RAD51B: variants seen among roughly 807,000 people sequenced by gnomAD.
RAD51B encodes RAD51 paralog B, also known as DNA repair protein RAD51 homolog 2.
Under a neutral mutation model 42.2 loss-of-function variants are expected in RAD51B, and 38 were observed. The ratio of observed to expected loss-of-function variants is 0.90; its 90% CI spans 0.70 to 1.18. RAD51B has a LOEUF of 1.18. RAD51B is among the 50% of genes most tolerant of loss of function. The pLI is 0.00. For synonymous variants in RAD51B, 154 were observed against 145.2 expected, an observed-to-expected ratio of 1.06 and a Z score of -0.43; for missense variants, 373 against 400.7, an observed-to-expected ratio of 0.93 and a Z score of 0.59.
At chr14:68,300,562 C>T (rs1014909667) in intron 8 of RAD51B, among the ~76,000 whole-genome samples, 1 of 152,148 alleles carries the variant, frequency 6.6e-6, no homozygotes, top group Non-Finnish European at 1.5e-5. Flanking sequence ...TAGTCCATGC[C>T]ATCAAGCCAA....
intron 9 of RAD51B, among the ~76,000 whole-genome samples, chr14:68,449,413 T>C (rs778299455): frequency 7.2e-5 from 11 of 152,260 alleles, no homozygotes; most frequent in Non-Finnish European, 1.2e-4. Flanking sequence ...CTGGACTGAA[T>C]GGATCTTTAA....
intron 7 of RAD51B, among the ~76,000 whole-genome samples, chr14:68,087,917 ATATTATATATAATTATATAATTTAT>A (rs1566634357): frequency 0.012 from 952 of 80,454 alleles, 15 homozygotes; most frequent in African/African-American, 0.058. Flanking sequence ...ATTATATAAT[ATATTATATATAATTATATAATTTAT>A]TATTATATAT....
intron 11 of RAD51B, among the ~76,000 whole-genome samples, chr14:68,658,175 T>G (rs1043278715): frequency 1.3e-5 from 2 of 152,062 alleles, no homozygotes; most frequent in Non-Finnish European, 2.9e-5. Context: ...TGAGATGGGG[T>G]GGGGAGAGCT....
chr14:68,346,710 G>C (rs117495702), intron 8 of RAD51B, among the ~76,000 whole-genome samples: 2 of 152,210 alleles, frequency 1.3e-5, no homozygotes, highest in Non-Finnish European at 2.9e-5. Flanking sequence ...ATTTATTCCA[G>C]ACTCCCTAGC....
intron 7 of RAD51B, among the ~76,000 whole-genome samples, chr14:68,209,803 C>T (rs1274652): frequency 6.6e-5 from 10 of 151,930 alleles, no homozygotes; most frequent in Admixed American, 3.3e-4. Context: ...TTATTGTAAT[C>T]GTGATTTTCT....
intron 7 of RAD51B, among the ~76,000 whole-genome samples, chr14:68,095,693 C>G (rs1161163344): frequency 6.6e-6 from 1 of 151,848 alleles, no homozygotes; most frequent in Non-Finnish European, 1.5e-5. Flanking sequence ...CAAACAGACT[C>G]AGCCAGGCAC....
chr14:67,887,233 T>C (rs764641310), intron 7 of RAD51B, 29 bp downstream of exon 7: 1 of 1,523,488 alleles, frequency 6.6e-7, no homozygotes, highest in Admixed American at 1.8e-5. Context: ...CTCTTTTTTC[T>C]TTTCCTTTCT....
At chr14:68,671,065 A>G (rs1054191555) in intron 11 of RAD51B, among the ~76,000 whole-genome samples, 1 of 152,124 alleles carries the variant, frequency 6.6e-6, no homozygotes, top group African/African-American at 2.4e-5. Context: ...CAAACGCCTG[A>G]TCCAGTCTCT....
intron 7 of RAD51B, among the ~76,000 whole-genome samples, chr14:68,119,744 G>A (rs1000541283): frequency 3.3e-5 from 5 of 151,684 alleles, no homozygotes. Flanking sequence ...TTGGTCCCAA[G>A]TCTTTGCTAT....
chr14:67,940,077 T>C (rs1359558708), intron 7 of RAD51B, among the ~76,000 whole-genome samples: 1 of 70,600 alleles, frequency 1.4e-5, no homozygotes, highest in Non-Finnish European at 2.8e-5. Flanking sequence ...TTTTTTTTTT[T>C]TTTTTTTTTT....
At chr14:67,895,019 C>T (rs2043364502) in intron 7 of RAD51B, among the ~76,000 whole-genome samples, 1 of 152,110 alleles carries the variant, frequency 6.6e-6, no homozygotes, top group Non-Finnish European at 1.5e-5. Flanking sequence ...AAGCAGTCTG[C>T]CCACTGTGGC....
chr14:68,179,210 G>A (rs182064362), intron 7 of RAD51B, among the ~76,000 whole-genome samples: 17 of 152,154 alleles, frequency 1.1e-4, no homozygotes, highest in Admixed American at 6.5e-4. Flanking sequence ...TCCTTGCTGC[G>A]CTAGTATGCG....
At chr14:68,586,222 G>A (rs1002221910) in intron 10 of RAD51B, among the ~76,000 whole-genome samples, 3 of 152,148 alleles carry the variant, frequency 2.0e-5, no homozygotes, top group African/African-American at 7.2e-5. Flanking sequence ...ATTCAAAGCT[G>A]GGCAGTGATG....
intron 8 of RAD51B, among the ~76,000 whole-genome samples, chr14:68,298,326 A>T (rs1019955047): frequency 6.6e-6 from 1 of 152,116 alleles, no homozygotes; most frequent in African/African-American, 2.4e-5. Flanking sequence ...CAGCTGGGAG[A>T]ACAAAAGGAG....
intron 7 of RAD51B, among the ~76,000 whole-genome samples, chr14:67,935,249 G>A (rs866796900): frequency 2.8e-4 from 43 of 152,264 alleles, no homozygotes; most frequent in Admixed American, 2.2e-3. Flanking sequence ...CATATGTGAG[G>A]ATGATTAGGC....
At chr14:68,636,570 G>A in intron 10 of RAD51B, among the ~76,000 whole-genome samples, 1 of 120,582 alleles carries the variant, frequency 8.3e-6, no homozygotes, top group Non-Finnish European at 1.7e-5. Context: ...GCAACAGAGT[G>A]AGACTCAGTC....
At position 67,823,568 on chromosome 14, in the gene RAD51B, G is replaced by A. The variant is rs34583846; in HGVS notation, c.25G>A (p.Val9Met). 1,214 of 1,613,716 alleles carry A rather than the reference G, an allele frequency of 7.5e-4. 4 individuals carry two copies. The African/African-American group carries it at 0.014, about 19-fold the overall frequency. The change falls in exon 2 of 11, where the codon GTG becomes ATG. Residue 9 changes from valine (V) to methionine (M), a missense_variant. Physicochemically the swap from Val to Met is conservative, Grantham distance 21. Transcript: ENST00000471583. Reference sequence around the variant, plus strand: ...CATGGGTAGCAAGAAACTAAAACGAGTGGGTTTATCACAAGAGCTGTGTGA... The same window carrying A: ...CATGGGTAGCAAGAAACTAAAACGAATGGGTTTATCACAAGAGCTGTGTGA... MGSKKLKR[V>M]GLSQELCDRL...
intron 10 of RAD51B, among the ~76,000 whole-genome samples, chr14:68,517,345 A>G (rs1379135322): frequency 6.6e-6 from 1 of 152,164 alleles, no homozygotes; most frequent in Non-Finnish European, 1.5e-5. Context: ...TTACTGTCTA[A>G]TTTAGGACAT....
intron 7 of RAD51B, among the ~76,000 whole-genome samples, chr14:67,905,294 C>T (rs992292846): frequency 6.6e-6 from 1 of 152,124 alleles, no homozygotes. Flanking sequence ...TGCTTTGGAC[C>T]AGTACCATGC....
Sources: allele counts gnomAD v4.1 joint callset (sites outside exome capture counted in the v4.1 genomes callset), GRCh38; gene constraint gnomAD v4.1.1; transcripts MANE v1.5; gene names NCBI Gene and HGNC (gene_info 2026-07-23, HGNC 2026-07-21).